Variants in CSF1 observed in about 807,000 individuals in gnomAD.
The protein encoded by CSF1 is macrophage colony-stimulating factor 1.
Under a neutral mutation model 48.9 loss-of-function variants are expected in CSF1, and 9 were observed. The observed-to-expected ratio is 0.18, with a 90% CI of 0.11 to 0.32. CSF1 has a LOEUF of 0.32. CSF1 is among the 10% of genes least tolerant of loss of function. CSF1 has a pLI of 1.00. For synonymous variants in CSF1, 305 were observed against 284.1 expected (o/e 1.07, Z -0.74); for missense variants, 672 against 697.9 (o/e 0.96, Z 0.42).
At chr1:109,918,441 G>A (rs189212576) in intron 4 of CSF1, among the ~76,000 whole-genome samples, 6 of 152,346 alleles carry the variant, frequency 3.9e-5, no homozygotes, top group Non-Finnish European at 4.4e-5. Context: ...TAGACCACAG[G>A]GGGCAGGAAT....
intron 3 of CSF1, among the ~76,000 whole-genome samples, chr1:109,916,781 G>A (rs1013899486): frequency 1.3e-5 from 2 of 152,154 alleles, no homozygotes. Context: ...GGAACCTACT[G>A]GACTAGATGC....
In CSF1 at chr1:109,923,955, G is replaced by T; in HGVS notation, c.1334G>T (p.Ser445Ile). ...LPLGELEGRRSTRDRRSPAEP... is the reference protein window; with the variant it reads ...LPLGELEGRRITRDRRSPAEP... The stretch of plus-strand genomic sequence containing the variant: ...CTTGGGGAGCTGGAGGGCAGGAGGA[G>T]CACCAGGGATCGGAGGAGCCCCGCA... Residue 445 changes from serine to isoleucine, a missense_variant, in exon 6 of 9, where the codon AGC becomes ATC. Coordinates refer to ENST00000329608, the MANE Select transcript of CSF1 (RefSeq NM_000757.6). 2 of 1,614,172 alleles carry T rather than the reference G, an allele frequency of 1.2e-6. No individual in the cohort carries two copies. The highest frequency in any genetic ancestry group is 8.5e-7 in the Non-Finnish European group (1 of 1,180,004).
Position 109,923,462 on chromosome 1 carries a change from C to T in CSF1, c.841C>T (p.Arg281Cys), listed in dbSNP as rs774056094. Residue 281 changes from arginine (R) to cysteine (C), a missense_variant, in exon 6 of 9, where the codon CGC becomes TGC. By Grantham distance (180) the Arg-to-Cys change is radical. Coordinates refer to ENST00000329608, the MANE Select transcript of CSF1 (RefSeq NM_000757.6). The part of the protein sequence containing the change: ...DSTIGGSPQP[R>C]PSVGAFNPGM... Reference sequence around the variant, plus strand: ...CACCATCGGTGGCTCACCACAGCCTCGCCCCTCTGTCGGGGCCTTCAACCC... The same window carrying T: ...CACCATCGGTGGCTCACCACAGCCTTGCCCCTCTGTCGGGGCCTTCAACCC... 12 of 1,614,158 alleles carry T rather than the reference C, an allele frequency of 7.4e-6. No individual in the cohort carries two copies. Among genetic ancestry groups the T allele is most frequent in the East Asian group, 2.2e-5 (1 of 44,878 alleles).
rs936155748 is a variant in CSF1 at position 109,929,248 on chromosome 1, C to T, written c.*410C>T. On this transcript the variant is annotated 3_prime_UTR_variant, in exon 9 of 9. Coordinates refer to ENST00000329608, the MANE Select transcript of CSF1 (RefSeq NM_000757.6). ...GGTGGACGCTGAGGAGTGAAAGAAC[C>T]CTGCACCCAGAGGGCCTGCCTGGTG... 1.3e-5 allele frequency: 2 copies of T among 152,762 alleles called. No homozygotes were observed. Among genetic ancestry groups the T allele is most frequent in the Non-Finnish European group, 2.9e-5 (2 of 68,110 alleles). 9.5% of individuals were successfully genotyped at this position (152,762 alleles called of 1,614,324 possible). A position where few individuals can be genotyped will look rare whatever the true frequency, so the allele number is the denominator to read the frequency against.
At chr1:109,917,838 A>G (rs1312965531) in intron 4 of CSF1, among the ~76,000 whole-genome samples, 8 of 152,208 alleles carry the variant, frequency 5.3e-5, no homozygotes, top group Non-Finnish European at 5.9e-5. Flanking sequence ...ACACCAGGAA[A>G]CAGCTGTGAT....
chr1:109,921,895 G>T lies in CSF1; in HGVS notation c.445G>T (p.Val149Phe), dbSNP rs778192732. 4.3e-6 allele frequency: 7 copies of T among 1,611,584 alleles called. No homozygotes were observed. Among genetic ancestry groups the T allele is most frequent in the Non-Finnish European group, 4.2e-6 (5 of 1,178,338 alleles). Residue 149 changes from valine to phenylalanine, a missense_variant, in exon 5 of 9, where the codon GTC becomes TTC. Val to Phe is a conservative substitution (Grantham distance 50). Coordinates refer to ENST00000329608, the MANE Select transcript of CSF1 (RefSeq NM_000757.6). ...GACACCTCTCCAGTTGCTGGAGAAG[G>T]TCAAGAATGTCTTTAATGAAACAAA... is the stretch of plus-strand genomic sequence containing the variant. ...YETPLQLLEK[V>F]KNVFNETKNL...
rs751650797 is a variant in CSF1 at position 109,915,623 on chromosome 1, C to G, written c.163-11C>G. On this transcript the variant is annotated splice_polypyrimidine_tract_variant and intron_variant, in intron 2 of 8. Transcript: ENST00000329608. The stretch of plus-strand genomic sequence containing the variant: ...GTTACCCTGCAATCGTTGGCCTGCT[C>G]TCTCTTACAGATTGACAGTCAGATG... 2 of 1,613,002 alleles carry G rather than the reference C, an allele frequency of 1.2e-6. No homozygotes were observed. Among genetic ancestry groups the G allele is most frequent in the South Asian group, 1.1e-5 (1 of 91,052 alleles).
chr1:109,923,074 C>A, intron 5 of CSF1, 92 bp from the exon 6 acceptor site: 1 of 1,294,652 alleles, frequency 7.7e-7, no homozygotes, highest in Admixed American at 2.5e-5. Flanking sequence ...CTCACATTCC[C>A]CTCTTGCCCC....
chr1:109,928,484 C>A (rs72974786), intron 8 of CSF1, among the ~76,000 whole-genome samples: 1 of 152,178 alleles, frequency 6.6e-6, no homozygotes, highest in African/African-American at 2.4e-5. Flanking sequence ...GAGATGACCT[C>A]GCCTGAGGAG....
At chr1:109,912,006 G>T (rs1311687215) in intron 1 of CSF1, among the ~76,000 whole-genome samples, 1 of 152,034 alleles carries the variant, frequency 6.6e-6, no homozygotes, top group Admixed American at 6.6e-5. Flanking sequence ...AACCTGGGGG[G>T]AAAAGAGCAG....
rs748632300 is a variant in CSF1 at position 109,923,874 on chromosome 1, C to T, written c.1253C>T (p.Thr418Ile). 2.7e-5 allele frequency: 44 copies of T among 1,613,932 alleles called. No individual in the cohort carries two copies. In the South Asian group the frequency reaches 3.7e-4, roughly 14 times the overall value. The change falls in exon 6 of 9, where the codon ACC (threonine) becomes ATC (isoleucine). Residue 418 changes from threonine to isoleucine, a missense_variant. This residue lies in a region of CSF1 where 591 missense variants were observed against 593.6 expected (regional missense o/e 1.00). Transcript: ENST00000329608. ...CCCCAGGGCCTCAGCAACCCCTCCA[C>T]CCTCTCTGCTCAGCCACAGCTTTCC... ...LRPQGLSNPS[T>I]LSAQPQLSRS... is the part of the protein sequence containing the mutation.
chr1:109,924,278 T>C, intron 6 of CSF1, 88 bp downstream of exon 6: 1 of 1,218,676 alleles, frequency 8.2e-7, no homozygotes, highest in Non-Finnish European at 1.1e-6. Flanking sequence ...ACAGCTTGGG[T>C]GCGGCCTGAG....
chr1:109,926,903 A>T (rs1647866528), intron 8 of CSF1, among the ~76,000 whole-genome samples: 1 of 152,024 alleles, frequency 6.6e-6, no homozygotes, highest in Non-Finnish European at 1.5e-5. Flanking sequence ...GCCTCTCCAC[A>T]TTTGCCAAAC....
At chr1:109,921,266 G>A (rs1647524163) in intron 4 of CSF1, among the ~76,000 whole-genome samples, 1 of 152,112 alleles carries the variant, frequency 6.6e-6, no homozygotes, top group Admixed American at 6.6e-5. Context: ...CTCTTGCCAC[G>A]CTCCTCCTAG....
chr1:109,926,185 C>T (rs1248820387), intron 8 of CSF1: 1 of 152,210 alleles, frequency 6.6e-6, no homozygotes, highest in African/African-American at 2.4e-5. Context: ...GGGACTGTTA[C>T]CTTCCTTGAT....
chr1:109,928,429 T>C lies in CSF1; in HGVS notation c.*14-423T>C, dbSNP rs1189166407. Among the ~76,000 whole-genome samples the C allele has an allele frequency of 2.0e-5, 3 of 152,346 alleles. No homozygotes were observed. In the East Asian group the frequency reaches 5.8e-4, roughly 29 times the overall value. On this transcript the variant is annotated intron_variant, in intron 8 of 8. Transcript: ENST00000329608. ...GATGAAATGAAAGATTCTTCTTTGCTAGTGTTAGCAGGAATCACCCTTTGT... is the reference window on the plus strand; with the variant it reads ...GATGAAATGAAAGATTCTTCTTTGCCAGTGTTAGCAGGAATCACCCTTTGT...
intron 2 of CSF1, 132 bp from the exon 3 acceptor site, chr1:109,915,502 C>A: frequency 1.4e-6 from 1 of 723,566 alleles, no homozygotes. Flanking sequence ...CTCTGTCTTT[C>A]CACGTGTGGT....
In CSF1 at chr1:109,917,446, T is replaced by A. The variant is rs144495593; in HGVS notation, c.379T>A (p.Tyr127Asn). 1.3e-5 allele frequency: 21 copies of A among 1,614,038 alleles called. No individual in the cohort carries two copies. In the African/African-American group the frequency reaches 2.7e-4, roughly 21 times the overall value. The change falls in exon 4 of 9, where the codon TAT becomes AAT. Residue 127 changes from tyrosine to asparagine, a missense_variant. By Grantham distance (143) the Tyr-to-Asn change is moderately radical. Coordinates refer to ENST00000329608, the MANE Select transcript of CSF1 (RefSeq NM_000757.6). ...GCTGAAGAGCTGCTTCACCAAGGAT[T>A]ATGAAGAGCATGACAAGGTAGGAAG... Reference protein sequence around the residue: ...LRLKSCFTKDYEEHDKACVRT... With the variant: ...LRLKSCFTKDNEEHDKACVRT...
chr1:109,917,382 T>C lies in CSF1; in HGVS notation c.315T>C (p.Asn105=). The change falls in exon 4 of 9, where the codon AAT becomes AAC. Residue 105 remains asparagine (N), a synonymous_variant. Coordinates refer to ENST00000329608, the MANE Select transcript of CSF1 (RefSeq NM_000757.6). The part of the protein sequence containing the change: ...DTMRFRDNTP[N]AIAIVQLQEL... ...TGCGCTTCAGAGATAACACCCCCAA[T>C]GCCATCGCCATTGTGCAGCTGCAGG... 1 of 1,614,192 alleles carries C rather than the reference T, an allele frequency of 6.2e-7. No individual in the cohort carries two copies. Among genetic ancestry groups the C allele is most frequent in the Non-Finnish European group, 8.5e-7 (1 of 1,180,028 alleles).
Sources: gnomAD v4.1 joint callset for allele counts (sites outside exome capture counted in the v4.1 genomes callset) on GRCh38, gnomAD v4.1.1 for gene constraint, gnomAD v4.1.1 regional missense constraint, MANE v1.5 for transcripts, NCBI Gene and HGNC (gene_info 2026-07-23, HGNC 2026-07-21) for gene names.